NAALADL2: variants seen among roughly 807,000 people sequenced by gnomAD.
The protein encoded by NAALADL2 is N-acetylated alpha-linked acidic dipeptidase like 2.
A neutral mutation model predicts 87.2 loss-of-function variants in NAALADL2; 76 were observed. The ratio of observed to expected loss-of-function variants is 0.87; its 90% confidence interval spans 0.72 to 1.05. The LOEUF (loss-of-function observed/expected upper bound fraction) is 1.05, where lower values mean the gene tolerates loss of function less well. Among genes scored for constraint, NAALADL2 ranks in the 50% least tolerant of loss-of-function variants. The pLI is 0.00. For synonymous variants in NAALADL2, 354 were observed against 331.0 expected, an observed-to-expected ratio of 1.07 and a Z score of -0.75; for missense variants, 1,089 against 945.8, an observed-to-expected ratio of 1.15 and a Z score of -1.99.
At chr3:175,254,724 G>A (rs1167854549) in intron 3 of NAALADL2, among the ~76,000 whole-genome samples, 4 of 151,988 alleles carry the variant, frequency 2.6e-5, no homozygotes. Flanking sequence ...AATATTATGT[G>A]ATCATTTACT....
At chr3:174,554,555 G>A (rs1252824536) in intron 2 of NAALADL2, among the ~76,000 whole-genome samples, 1 of 149,814 alleles carries the variant, frequency 6.7e-6, no homozygotes, top group African/African-American at 2.5e-5. Context: ...GTTAAAATGT[G>A]ACAGTTTTTA....
At chr3:175,785,629 G>A (rs1395979814) in intron 13 of NAALADL2, among the ~76,000 whole-genome samples, 1 of 136,942 alleles carries the variant, frequency 7.3e-6, no homozygotes, top group East Asian at 2.0e-4. Flanking sequence ...CCTGAATACA[G>A]CACACTGATG....
At chr3:174,778,531 G>C (rs917224660) in intron 3 of NAALADL2, among the ~76,000 whole-genome samples, 2 of 151,904 alleles carry the variant, frequency 1.3e-5, no homozygotes, top group African/African-American at 4.8e-5. Flanking sequence ...TGTGCAGAAC[G>C]TGCAGGTTTG....
intron 1 of NAALADL2, among the ~76,000 whole-genome samples, chr3:174,944,421 T>G (rs1175328552): frequency 6.6e-6 from 1 of 152,094 alleles, no homozygotes; most frequent in African/African-American, 2.4e-5. Flanking sequence ...AGCAAAGATG[T>G]TGGCCCACCC....
At chr3:175,665,402 T>G (rs1582822141) in intron 11 of NAALADL2, among the ~76,000 whole-genome samples, 1 of 152,336 alleles carries the variant, frequency 6.6e-6, no homozygotes, top group South Asian at 2.1e-4. Context: ...TGAATTAAAT[T>G]AGAGAGCAAT....
chr3:175,765,121 C>T (rs376850959), intron 13 of NAALADL2, among the ~76,000 whole-genome samples: 91 of 152,086 alleles, frequency 6.0e-4, no homozygotes, highest in South Asian at 5.6e-3. Flanking sequence ...ATTTTAATAG[C>T]GACCACTTGC....
intron 2 of NAALADL2, among the ~76,000 whole-genome samples, chr3:175,211,203 A>G (rs867173307): frequency 2.0e-4 from 31 of 152,024 alleles, no homozygotes; most frequent in African/African-American, 7.0e-4. Flanking sequence ...AATTTAATCT[A>G]TTGAAACTGC....
chr3:174,601,556 G>C (rs1409395539), intron 2 of NAALADL2, among the ~76,000 whole-genome samples: 1 of 152,114 alleles, frequency 6.6e-6, no homozygotes, highest in Admixed American at 6.6e-5. Context: ...TCCCTTCTCA[G>C]ATGGGTAGTT....
intron 9 of NAALADL2, among the ~76,000 whole-genome samples, chr3:175,534,653 C>CTTT (rs113648294): frequency 1.4e-5 from 2 of 145,442 alleles, no homozygotes; most frequent in African/African-American, 5.0e-5. Context: ...ATATTGTCAG[C>CTTT]TTTTTTTTTT....
intron 12 of NAALADL2, among the ~76,000 whole-genome samples, chr3:175,754,370 T>C (rs781421015): frequency 7.9e-5 from 12 of 152,156 alleles, no homozygotes; most frequent in Admixed American, 4.6e-4. Flanking sequence ...TAGTCAAAGG[T>C]ATGTCCTGTG....
At chr3:175,585,954 T>C (rs1372726666) in intron 10 of NAALADL2, among the ~76,000 whole-genome samples, 2 of 152,202 alleles carry the variant, frequency 1.3e-5, no homozygotes, top group African/African-American at 4.8e-5. Context: ...TTTTTAGATT[T>C]GAAAATATTT....
chr3:175,258,324 C>CAAAA lies in NAALADL2; in HGVS notation c.939+1810_939+1813dup, dbSNP rs1287997792. 1.6e-3 allele frequency among the ~76,000 whole-genome samples: 163 copies of CAAAA among 100,642 alleles called. 3 individuals carry two copies. Among genetic ancestry groups the CAAAA allele is most frequent in the Non-Finnish European group, 1.8e-3 (83 of 46,930 alleles). 66.0% of individuals were successfully genotyped at this position (100,642 alleles called of 152,430 possible). Reference sequence around the variant, plus strand: ...GACTCCGTCCCTCCGCCCCCACCACCAAAAAAAAAAAAAAAAAAAGAAAGA... The same window carrying CAAAA: ...GACTCCGTCCCTCCGCCCCCACCACCAAAAAAAAAAAAAAAAAAAAAAAGAAAGA... On this transcript the variant is annotated intron_variant, in intron 4 of 13. Transcript: ENST00000454872.
Position 175,656,053 on chromosome 3 carries a change from C to A in NAALADL2, c.1896+28667C>A, listed in dbSNP as rs143175047. 1.5e-3 allele frequency among the ~76,000 whole-genome samples: 225 copies of A among 152,264 alleles called. 1 individual carries two copies. Among genetic ancestry groups the A allele is most frequent in the African/African-American group, 5.0e-3 (209 of 41,556 alleles). On this transcript the variant is annotated intron_variant, in intron 11 of 13. Coordinates refer to ENST00000454872, the MANE Select transcript of NAALADL2 (RefSeq NM_207015.3). Reference sequence around the variant, plus strand: ...GGCTTATCTAATGTCCTTTGGCTAACGTCTCAAAGCTGGTTAATACTATAG... The same window carrying A: ...GGCTTATCTAATGTCCTTTGGCTAAAGTCTCAAAGCTGGTTAATACTATAG...
intron 2 of NAALADL2, among the ~76,000 whole-genome samples, chr3:175,119,124 A>G (rs1177438414): frequency 6.6e-6 from 1 of 151,654 alleles, no homozygotes; most frequent in Non-Finnish European, 1.5e-5. Flanking sequence ...TTGAGGCACA[A>G]GAAATTTTAA....
intron 13 of NAALADL2, among the ~76,000 whole-genome samples, chr3:175,757,143 A>G (rs1747378088): frequency 6.6e-6 from 1 of 151,866 alleles, no homozygotes; most frequent in Non-Finnish European, 1.5e-5. Context: ...TTCCCCCAAT[A>G]TCTCTTTGCC....
intron 11 of NAALADL2, among the ~76,000 whole-genome samples, chr3:175,671,832 TTTTTCTTACA>T (rs1560951558): frequency 6.6e-6 from 1 of 152,028 alleles, no homozygotes; most frequent in African/African-American, 2.4e-5. Flanking sequence ...TTAAAAAAAA[TTTTTCTTACA>T]TTTTCCAGAA....
chr3:175,652,812 A>AAAGATACAATAGGCAGTTGATCAC (rs982347963), intron 11 of NAALADL2, among the ~76,000 whole-genome samples: 2 of 152,148 alleles, frequency 1.3e-5, no homozygotes, highest in Non-Finnish European at 2.9e-5. Context: ...ATTTGATTAC[A>AAAGATACAATAGGCAGTTGATCAC]AAGATACAAT....
At chr3:175,497,469 T>C (rs558610637) in intron 9 of NAALADL2, among the ~76,000 whole-genome samples, 136 of 152,314 alleles carry the variant, frequency 8.9e-4, no homozygotes, top group African/African-American at 3.0e-3. Context: ...TCAGTTGTAT[T>C]AATTTGCAAT....
chr3:174,443,824 AAGT>A (rs774351158), intron 1 of NAALADL2, among the ~76,000 whole-genome samples: 2 of 151,842 alleles, frequency 1.3e-5, no homozygotes, highest in Non-Finnish European at 3.0e-5. Context: ...GTGTTTCAAG[AAGT>A]AGAGGGCTGA....
Sources: gnomAD v4.1 joint callset for allele counts (sites outside exome capture counted in the v4.1 genomes callset) on GRCh38, gnomAD v4.1.1 for gene constraint, MANE v1.5 for transcripts, NCBI Gene and HGNC (gene_info 2026-07-23, HGNC 2026-07-21) for gene names.